Variants in NRG1 observed in about 807,000 individuals in gnomAD.
NRG1 encodes the protein neuregulin 1.
Under a neutral mutation model 63.8 loss-of-function variants are expected in NRG1, and 18 were observed. That is an observed-to-expected ratio of 0.28 (90% CI 0.19 to 0.42). The LOEUF is 0.42. Among genes scored for constraint, NRG1 ranks in the 10% least tolerant of loss-of-function variants. The pLI, the probability that NRG1 is intolerant of heterozygous loss-of-function variation, is 1.00. For synonymous variants in NRG1, 302 were observed against 301.3 expected (o/e 1.00, Z -0.02); for missense variants, 762 against 814.7 (o/e 0.94, Z 0.79).
chr8:32,256,832 T>C (rs1586436390), intron 1 of NRG1, among the ~76,000 whole-genome samples: 1 of 152,158 alleles, frequency 6.6e-6, no homozygotes. Flanking sequence ...GTTCTGCTGC[T>C]CTCTTCAGAG....
At chr8:32,666,867 T>C (rs1473902472) in intron 5 of NRG1, among the ~76,000 whole-genome samples, 1 of 152,240 alleles carries the variant, frequency 6.6e-6, no homozygotes, top group African/African-American at 2.4e-5. Context: ...TCATGCGTTA[T>C]TTGTCTCATG....
At chr8:32,691,922 A>T (rs1020838817) in intron 5 of NRG1, among the ~76,000 whole-genome samples, 2 of 152,192 alleles carry the variant, frequency 1.3e-5, no homozygotes, top group African/African-American at 4.8e-5. Context: ...AAGAAAGGTG[A>T]TACTGACTTT....
At chr8:32,006,321 G>C (rs575446427) in intron 1 of NRG1, among the ~76,000 whole-genome samples, 4 of 152,122 alleles carry the variant, frequency 2.6e-5, no homozygotes, top group Non-Finnish European at 4.4e-5. Context: ...CTTCCAGAAA[G>C]AGTATGACTA....
chr8:31,810,598 C>T (rs1363952982), intron 1 of NRG1, among the ~76,000 whole-genome samples: 1 of 152,272 alleles, frequency 6.6e-6, no homozygotes, highest in South Asian at 2.1e-4. Flanking sequence ...GGCTTCCTCC[C>T]TCCCTTTAAT....
chr8:32,459,685 A>G (rs922952668), intron 1 of NRG1, among the ~76,000 whole-genome samples: 2 of 151,272 alleles, frequency 1.3e-5, no homozygotes, highest in African/African-American at 4.9e-5. Context: ...TTTTTACTTC[A>G]TTTAGAATAA....
At chr8:32,135,765 T>A (rs1166643881) in intron 1 of NRG1, among the ~76,000 whole-genome samples, 2 of 152,076 alleles carry the variant, frequency 1.3e-5, no homozygotes, top group Non-Finnish European at 2.9e-5. Context: ...TTTGTGAGCC[T>A]GTAACACACA....
At chr8:32,579,012 T>C (rs1049767033) in intron 1 of NRG1, among the ~76,000 whole-genome samples, 3 of 152,186 alleles carry the variant, frequency 2.0e-5, no homozygotes, top group Non-Finnish European at 4.4e-5. Context: ...TAAATGATGA[T>C]ATTTTTATCA....
At chr8:32,278,784 A>C (rs1471897) in intron 1 of NRG1, among the ~76,000 whole-genome samples, 20,528 of 152,054 alleles carry the variant, frequency 0.14, 2,084 homozygotes, top group African/African-American at 0.29. Context: ...GTTTGCCAAG[A>C]CCCATCCTGC....
chr8:32,206,879 C>T (rs2132342309), intron 1 of NRG1, among the ~76,000 whole-genome samples: 1 of 152,336 alleles, frequency 6.6e-6, no homozygotes, highest in Admixed American at 6.5e-5. Context: ...TAAGTGAGAA[C>T]ATGCAGTATT....
chr8:31,971,005 A>C (rs327375), intron 1 of NRG1, among the ~76,000 whole-genome samples: 128,740 of 151,658 alleles, frequency 0.85, 55,527 homozygotes, highest in African/African-American at 0.96. Flanking sequence ...GATGGCACCA[A>C]TGCACTCCAG....
At chr8:32,538,179 C>T (rs1020087978) in intron 1 of NRG1, among the ~76,000 whole-genome samples, 2 of 152,060 alleles carry the variant, frequency 1.3e-5, no homozygotes, top group African/African-American at 4.8e-5. Context: ...AGGGTCTCAG[C>T]ATATTTAGGC....
chr8:32,631,294 G>T (rs1360555685), intron 5 of NRG1, among the ~76,000 whole-genome samples: 1 of 152,158 alleles, frequency 6.6e-6, no homozygotes, highest in Non-Finnish European at 1.5e-5. Context: ...CTCCTGAATT[G>T]TGCTTCAACA....
In NRG1 at chr8:32,209,319, A is replaced by G. The variant is rs911268987; in HGVS notation, c.38-386509A>G. On this transcript the variant is annotated intron_variant, in intron 1 of 10. Transcript: ENST00000519301. ...TCTGGTTTTATAAAACCAAATTTTAAAAATAGATAAGTAAATGAAAGGACA... is the reference window on the plus strand; with the variant it reads ...TCTGGTTTTATAAAACCAAATTTTAGAAATAGATAAGTAAATGAAAGGACA... Among the ~76,000 whole-genome samples the G allele has an allele frequency of 8.5e-5, 13 of 152,282 alleles. No individual in the cohort carries two copies. The East Asian group carries it at 2.5e-3, about 29-fold the overall frequency.
intron 1 of NRG1, among the ~76,000 whole-genome samples, chr8:31,652,018 T>C (rs992491792): frequency 3.9e-5 from 6 of 152,194 alleles, no homozygotes; most frequent in African/African-American, 1.4e-4. Context: ...CTCTGCACAT[T>C]TGTATCCTAA....
chr8:31,666,147 A>G (rs1340917270), intron 1 of NRG1, among the ~76,000 whole-genome samples: 1 of 152,214 alleles, frequency 6.6e-6, no homozygotes, highest in African/African-American at 2.4e-5. Context: ...AGGGCCCAGT[A>G]GTAGGGAGCC....
At chr8:32,736,401 C>G (rs1825070334) in intron 6 of NRG1, among the ~76,000 whole-genome samples, 1 of 152,168 alleles carries the variant, frequency 6.6e-6, no homozygotes, top group African/African-American at 2.4e-5. Context: ...CAACACGATA[C>G]TGTAGGAAAA....
At chr8:31,648,593 A>T (rs1025462385) in intron 1 of NRG1, among the ~76,000 whole-genome samples, 1 of 152,032 alleles carries the variant, frequency 6.6e-6, no homozygotes, top group Non-Finnish European at 1.5e-5. Flanking sequence ...ACTGACAAAC[A>T]CTATTCTACT....
At chr8:31,820,464 T>G (rs186895576) in intron 1 of NRG1, among the ~76,000 whole-genome samples, 1 of 152,320 alleles carries the variant, frequency 6.6e-6, no homozygotes, top group East Asian at 1.9e-4. Flanking sequence ...AACAGTTCAT[T>G]GTCTTTTACT....
At chr8:31,716,898 G>A (rs1033541468) in intron 1 of NRG1, among the ~76,000 whole-genome samples, 1 of 152,194 alleles carries the variant, frequency 6.6e-6, no homozygotes, top group Non-Finnish European at 1.5e-5. Context: ...GTCAGAGCTA[G>A]AACATTTAGT....
Sources: allele counts gnomAD v4.1 joint callset (sites outside exome capture counted in the v4.1 genomes callset), GRCh38; gene constraint gnomAD v4.1.1; transcripts MANE v1.5; gene names NCBI Gene and HGNC (gene_info 2026-07-23, HGNC 2026-07-21).